GBE1: variants seen among roughly 807,000 people sequenced by gnomAD.
GBE1 encodes the protein 1,4-alpha-glucan branching enzyme 1.
A neutral mutation model predicts 88.8 loss-of-function variants in GBE1; 70 were observed. The observed-to-expected ratio is 0.79, with a 90% CI of 0.65 to 0.96. The LOEUF (loss-of-function observed/expected upper bound fraction) is 0.96. Among genes scored for constraint, GBE1 ranks in the 40% least tolerant of loss-of-function variants. The pLI is 0.00. For synonymous variants in GBE1, 284 were observed against 300.1 expected, an observed-to-expected ratio of 0.95 and a Z score of 0.56; for missense variants, 872 against 871.0, an observed-to-expected ratio of 1.00 and a Z score of -0.01.
chr3:81,571,503 G>A (rs1368210525), intron 12 of GBE1, among the ~76,000 whole-genome samples: 1 of 152,158 alleles, frequency 6.6e-6, no homozygotes, highest in Admixed American at 6.5e-5. Context: ...TTTTTTAAAT[G>A]AGAAATGTGA....
intron 1 of GBE1, among the ~76,000 whole-genome samples, chr3:81,738,800 C>T (rs1311148635): frequency 1.3e-5 from 2 of 152,102 alleles, no homozygotes; most frequent in African/African-American, 2.4e-5. Context: ...GTATTATTAT[C>T]CTCATGTTAT....
Position 81,586,130 on chromosome 3 carries a change from A to G in GBE1, c.1297T>C (p.Tyr433His). Reference protein sequence around the residue: ...PISQGGGGFDYRLAMAIPDKW... With the variant: ...PISQGGGGFDHRLAMAIPDKW... ...TCTGGAATTGCCATGGCTAGTCGATAGTCAAAACCACCCCCTCCCTGGGAA... is the reference window on the plus strand; with the variant it reads ...TCTGGAATTGCCATGGCTAGTCGATGGTCAAAACCACCCCCTCCCTGGGAA... The change falls in exon 10 of 16, where the codon TAT (tyrosine) becomes CAT (histidine). Residue 433 changes from tyrosine (Y) to histidine (H), a missense_variant. Coordinates refer to ENST00000429644, the MANE Select transcript of GBE1 (RefSeq NM_000158.4). 6.2e-7 allele frequency: 1 copy of G among 1,610,320 alleles called. No homozygotes were observed. Among genetic ancestry groups the G allele is most frequent in the Middle Eastern group, 1.7e-4 (1 of 6,054 alleles).
chr3:81,692,853 T>C (rs1321209111), intron 2 of GBE1, among the ~76,000 whole-genome samples: 1 of 152,228 alleles, frequency 6.6e-6, no homozygotes, highest in Admixed American at 6.5e-5. Flanking sequence ...CTTAAGGTTT[T>C]GCAACCCAAT....
At chr3:81,709,478 C>T (rs776722103) in intron 1 of GBE1, among the ~76,000 whole-genome samples, 21 of 152,178 alleles carry the variant, frequency 1.4e-4, no homozygotes, top group Non-Finnish European at 2.6e-4. Context: ...AATATACACA[C>T]ACATACACCC....
chr3:81,523,426 G>A (rs747227187), intron 14 of GBE1, among the ~76,000 whole-genome samples: 2 of 151,464 alleles, frequency 1.3e-5, no homozygotes, highest in Non-Finnish European at 3.0e-5. Context: ...GATACAATAT[G>A]TAATAATCAC....
chr3:81,758,500 C>G (rs759312123), intron 1 of GBE1, among the ~76,000 whole-genome samples: 3 of 152,186 alleles, frequency 2.0e-5, no homozygotes, highest in Non-Finnish European at 4.4e-5. Flanking sequence ...AAAACAAATC[C>G]TTCATAAGCC....
intron 7 of GBE1, among the ~76,000 whole-genome samples, chr3:81,600,485 T>A (rs1248265055): frequency 6.6e-6 from 1 of 152,122 alleles, no homozygotes; most frequent in Non-Finnish European, 1.5e-5. Flanking sequence ...CCTCCCAAAG[T>A]GCTGGGATTA....
At chr3:81,510,338 AACTT>A (rs1370657664) in intron 14 of GBE1, among the ~76,000 whole-genome samples, 1 of 152,118 alleles carries the variant, frequency 6.6e-6, no homozygotes, top group Non-Finnish European at 1.5e-5. Context: ...TTGAAGTCTT[AACTT>A]ACTTGGCGTA....
intron 8 of GBE1, among the ~76,000 whole-genome samples, chr3:81,593,273 G>A (rs866931967): frequency 5.9e-5 from 9 of 151,702 alleles, no homozygotes; most frequent in Admixed American, 1.3e-4. Flanking sequence ...GCTGAGGCAG[G>A]AGAATTGCTT....
intron 1 of GBE1, among the ~76,000 whole-genome samples, chr3:81,755,569 C>T (rs771390054): frequency 3.9e-5 from 6 of 152,058 alleles, no homozygotes; most frequent in Non-Finnish European, 8.8e-5. Context: ...TGGAATTAAC[C>T]TAAGTGCTTA....
In GBE1 at chr3:81,699,767, T is replaced by G. The variant is rs554364248; in HGVS notation, c.313+5677A>C. 2.0e-5 allele frequency among the ~76,000 whole-genome samples: 3 copies of G among 152,216 alleles called. No individual in the cohort carries two copies. The East Asian group carries it at 5.8e-4, about 29-fold the overall frequency. ...GATCTGCCTTCCCCAGTCCACTGACTCAAATGTTAATCTCTTTTGGCAACA... is the reference window on the plus strand; with the variant it reads ...GATCTGCCTTCCCCAGTCCACTGACGCAAATGTTAATCTCTTTTGGCAACA... On this transcript the variant is annotated intron_variant, in intron 2 of 15. Transcript: ENST00000429644.
intron 1 of GBE1, among the ~76,000 whole-genome samples, chr3:81,749,378 C>A (rs1274690289): frequency 7.3e-5 from 11 of 151,630 alleles, no homozygotes; most frequent in Non-Finnish European, 1.5e-4. Context: ...TATATGATTT[C>A]ATTCATAGAA....
chr3:81,557,387 C>T (rs1200932746), intron 12 of GBE1, among the ~76,000 whole-genome samples: 2 of 150,848 alleles, frequency 1.3e-5, no homozygotes, highest in African/African-American at 4.9e-5. Flanking sequence ...TAAAAATAAA[C>T]AAATAAAAGG....
intron 7 of GBE1, among the ~76,000 whole-genome samples, chr3:81,598,024 G>A (rs550647949): frequency 1.3e-5 from 2 of 151,894 alleles, no homozygotes; most frequent in East Asian, 3.9e-4. Flanking sequence ...TTTTCTCAGT[G>A]AGCAACTATA....
intron 7 of GBE1, chr3:81,612,242 A>AAAG: frequency 2.4e-5 from 13 of 532,352 alleles, no homozygotes; most frequent in Non-Finnish European, 3.5e-5. Context: ...AAAAAAAAAA[A>AAAG]ACTTAAAGAA....
chr3:81,628,904 A>T (rs866363177), intron 7 of GBE1, among the ~76,000 whole-genome samples: 7 of 149,978 alleles, frequency 4.7e-5, no homozygotes, highest in African/African-American at 1.7e-4. Context: ...AGGTAAAAAC[A>T]AGCCAAAATA....
intron 12 of GBE1, among the ~76,000 whole-genome samples, chr3:81,552,577 A>T (rs1559642828): frequency 6.6e-6 from 1 of 151,418 alleles, no homozygotes; most frequent in African/African-American, 2.4e-5. Flanking sequence ...AACAAAAAAT[A>T]ATCTTCATCA....
chr3:81,614,110 G>A (rs1332901973), intron 7 of GBE1, among the ~76,000 whole-genome samples: 1 of 152,026 alleles, frequency 6.6e-6, no homozygotes, highest in East Asian at 1.9e-4. Flanking sequence ...AAACTCCTGG[G>A]GTCAAGTGAT....
intron 1 of GBE1, among the ~76,000 whole-genome samples, chr3:81,712,168 A>C (rs1008993794): frequency 1.3e-5 from 2 of 152,178 alleles, no homozygotes; most frequent in African/African-American, 4.8e-5. Context: ...GCTAGAGAGG[A>C]TGTGGAGAAA....
Sources: allele counts gnomAD v4.1 joint callset (sites outside exome capture counted in the v4.1 genomes callset), GRCh38; gene constraint gnomAD v4.1.1; transcripts MANE v1.5; gene names NCBI Gene and HGNC (gene_info 2026-07-23, HGNC 2026-07-21).